ASL: variants seen among roughly 807,000 people sequenced by gnomAD.
ASL encodes argininosuccinase.
Under a neutral mutation model 69.1 loss-of-function variants are expected in ASL, and 51 were observed. The observed-to-expected ratio is 0.74, with a 90% CI of 0.59 to 0.93. The LOEUF (loss-of-function observed/expected upper bound fraction) is 0.93. Ranked by LOEUF, ASL falls within the 40% of genes least tolerant of loss-of-function variation. ASL has a pLI of 0.00. For missense variants in ASL, 540 were observed against 623.9 expected, an observed-to-expected ratio of 0.87 and a Z score of 1.43; for synonymous variants, 241 against 247.6, an observed-to-expected ratio of 0.97 and a Z score of 0.25.
chr7:66,085,802 G>T (rs1236587350), intron 6 of ASL, among the ~76,000 whole-genome samples: 1 of 151,992 alleles, frequency 6.6e-6, no homozygotes, highest in East Asian at 1.9e-4. Flanking sequence ...TATAGATGGG[G>T]TTTCACCGTG....
intron 6 of ASL, among the ~76,000 whole-genome samples, 174 bp from the exon 7 acceptor site, chr7:66,086,411 C>T (rs1786662889): frequency 6.6e-6 from 1 of 152,216 alleles, no homozygotes; most frequent in Non-Finnish European, 1.5e-5. Context: ...CCACTTCCAG[C>T]TTCTTTTGCC....
intron 2 of ASL, among the ~76,000 whole-genome samples, chr7:66,078,972 C>T (rs1266822823): frequency 2.0e-5 from 3 of 152,062 alleles, no homozygotes; most frequent in African/African-American, 7.2e-5. Context: ...TGCAGTGGCA[C>T]GATCTCAGCT....
rs2115764580 is a variant in ASL at position 66,092,602 on chromosome 7, A to G, written c.1189A>G (p.Met397Val). ...CGAGGCCTCCGGGAAAGCTGTGTTCATGGCCGAGACCAAGGGGGTCGCCCT... is the reference window on the plus strand; with the variant it reads ...CGAGGCCTCCGGGAAAGCTGTGTTCGTGGCCGAGACCAAGGGGGTCGCCCT... ...AHEASGKAVFMAETKGVALNQ... is the reference protein window; with the variant it reads ...AHEASGKAVFVAETKGVALNQ... The change falls in exon 16 of 17, where the codon ATG becomes GTG. Residue 397 changes from methionine (M) to valine (V), a missense_variant. Physicochemically the swap from Met to Val is conservative, Grantham distance 21 (BLOSUM62 1). Transcript: ENST00000304874. 2 of 1,612,772 alleles carry G rather than the reference A, an allele frequency of 1.2e-6. No homozygotes were observed. Among genetic ancestry groups the G allele is most frequent in the Non-Finnish European group, 1.7e-6 (2 of 1,179,982 alleles).
chr7:66,084,849 G>A (rs62467436), intron 6 of ASL, among the ~76,000 whole-genome samples: 5,485 of 152,100 alleles, frequency 0.036, 157 homozygotes, highest in East Asian at 0.075. Flanking sequence ...TCAATCTCCC[G>A]ACCTCATGAT....
At chr7:66,091,943 G>C in intron 14 of ASL, 63 bp from the exon 15 acceptor site, 1 of 1,573,930 alleles carries the variant, frequency 6.4e-7, no homozygotes, top group African/African-American at 1.3e-5. Flanking sequence ...GGCAGGTCCT[G>C]GGCCTGGCAG....
chr7:66,075,898 A>G, intron 1 of ASL, 42 bp downstream of exon 1: 1 of 690,766 alleles, frequency 1.4e-6, no homozygotes, highest in Admixed American at 2.7e-5. Flanking sequence ...GGCGTGGAGG[A>G]CGCCGAGCAC....
chr7:66,089,017 C>T (rs1296240542), intron 11 of ASL, 74 bp from the exon 12 acceptor site: 72 of 1,609,792 alleles, frequency 4.5e-5, no homozygotes, highest in Non-Finnish European at 5.9e-5. Context: ...CCCACCCCTC[C>T]GCCAGACCTG....
Position 66,083,244 on chromosome 7 carries a change from G to A in ASL, c.446+70G>A, listed in dbSNP as rs1451762979. On this transcript the variant is annotated intron_variant, in intron 6 of 16. Coordinates refer to ENST00000304874, the MANE Select transcript of ASL (RefSeq NM_000048.4). The stretch of plus-strand genomic sequence containing the variant: ...GAAGCCTGAACAGGAGACCTAGGGG[G>A]CAGGGGTGAACAGCGTGGGGGTGCC... The A allele has an allele frequency of 3.2e-6, 5 of 1,547,136 alleles. No individual in the cohort carries two copies. The African/African-American group carries it at 4.1e-5, about 13-fold the overall frequency.
intron 2 of ASL, among the ~76,000 whole-genome samples, chr7:66,080,385 C>CAAAA (rs138360695): frequency 2.8e-4 from 17 of 61,328 alleles, no homozygotes; most frequent in Non-Finnish European, 3.7e-4. Flanking sequence ...GACTCCATCT[C>CAAAA]AAAAAAAAAA....
rs1394168885 is a variant in ASL, at chr7:66,086,802, A to G, written c.583A>G (p.Asn195Asp). ...ERLLEVRKRI[N>D]VLPLGSGAIA... ...GCTGCTGGAGGTGCGGAAGCGGATC[A>G]ATGTCCTGCCCCTGGGGAGGTGGGT... Residue 195 changes from asparagine to aspartate, a missense_variant, in exon 8 of 17, where the codon AAT (asparagine) becomes GAT (aspartate). Coordinates refer to ENST00000304874, the MANE Select transcript of ASL (RefSeq NM_000048.4). 3 of 1,585,256 alleles carry G rather than the reference A, an allele frequency of 1.9e-6. No individual in the cohort carries two copies. The highest frequency in any genetic ancestry group is 2.6e-6 in the Non-Finnish European group (3 of 1,166,376).
At chr7:66,082,319 C>T (rs567573139) in intron 3 of ASL, 49 bp from the exon 4 acceptor site, 8 of 1,550,694 alleles carry the variant, frequency 5.2e-6, no homozygotes, top group Non-Finnish European at 7.0e-6. Flanking sequence ...GCTCTCTTGG[C>T]TGCTGATGCC....
At chr7:66,089,536 G>GT (rs1786782323) in intron 13 of ASL, 76 bp from the exon 14 acceptor site, 1 of 1,534,756 alleles carries the variant, frequency 6.5e-7, no homozygotes, top group Admixed American at 1.7e-5. Flanking sequence ...GGATGCCTCA[G>GT]TGGGGGGGTG....
chr7:66,086,976 C>G, intron 8 of ASL, 155 bp downstream of exon 8: 1 of 950,904 alleles, frequency 1.1e-6, no homozygotes, highest in South Asian at 1.6e-5. Flanking sequence ...GCTAAGGTGA[C>G]GACCAAGCCA....
Position 66,087,320 on chromosome 7 carries a change from C to G in ASL, c.603-14C>G. 3 of 1,602,666 alleles carry G rather than the reference C, an allele frequency of 1.9e-6. No homozygotes were observed. The highest frequency in any genetic ancestry group is 2.5e-6 in the Non-Finnish European group (3 of 1,179,828). On this transcript the variant is annotated splice_polypyrimidine_tract_variant and intron_variant, in intron 8 of 16. Transcript: ENST00000304874. ...GCCAGGAGCCCTGGTCACCATGAATCCCTGTCCCTGCAGTGGGGCCATTGC... is the reference window on the plus strand; with the variant it reads ...GCCAGGAGCCCTGGTCACCATGAATGCCTGTCCCTGCAGTGGGGCCATTGC...
chr7:66,091,824 C>T, intron 14 of ASL, 182 bp from the exon 15 acceptor site: 3 of 671,062 alleles, frequency 4.5e-6, no homozygotes, highest in Non-Finnish European at 8.1e-6. Context: ...GTGTTCATAG[C>T]ACATGTAAAT....
intron 10 of ASL, among the ~76,000 whole-genome samples, chr7:66,088,232 G>A (rs533699294): frequency 2.0e-5 from 3 of 152,140 alleles, no homozygotes; most frequent in Non-Finnish European, 2.9e-5. Context: ...CGTAATCCTA[G>A]CACTTTGGGA....
chr7:66,087,321 C>T lies in ASL; in HGVS notation c.603-13C>T. 1 of 1,600,410 alleles carries T rather than the reference C, an allele frequency of 6.2e-7. No individual in the cohort carries two copies. Reference sequence around the variant, plus strand: ...CCAGGAGCCCTGGTCACCATGAATCCCTGTCCCTGCAGTGGGGCCATTGCA... The same window carrying T: ...CCAGGAGCCCTGGTCACCATGAATCTCTGTCCCTGCAGTGGGGCCATTGCA... On this transcript the variant is annotated splice_polypyrimidine_tract_variant and intron_variant, in intron 8 of 16. Transcript: ENST00000304874.
Position 66,086,570 on chromosome 7 carries a change from C to A in ASL, c.447-15C>A. The A allele has an allele frequency of 2.5e-6, 4 of 1,613,148 alleles. No individual in the cohort carries two copies. The Middle Eastern group carries it at 6.7e-4, about 270-fold the overall frequency. ...ATGAGCCTCCACCCGAGCTTCTGCT[C>A]CTCCTCTCCCACAGGGAACGTGATG... On this transcript the variant is annotated splice_polypyrimidine_tract_variant and intron_variant, in intron 6 of 16. Transcript: ENST00000304874.
Position 66,081,859 on chromosome 7 carries a change from G to T in ASL, c.69G>T (p.Lys23Asn). ...FVGAVDPIMEKFNASIAYDRH... is the reference protein window; with the variant it reads ...FVGAVDPIMENFNASIAYDRH... ...GTGCAGTGGACCCCATCATGGAGAA[G>T]TTCAACGCGTCCATTGCCTACGACC... The change falls in exon 3 of 17, where the codon AAG becomes AAT. Residue 23 changes from lysine to asparagine, a missense_variant. Lys to Asn is a moderately conservative substitution (Grantham distance 94). Coordinates refer to ENST00000304874, the MANE Select transcript of ASL (RefSeq NM_000048.4). 6.2e-7 allele frequency: 1 copy of T among 1,614,092 alleles called. No homozygotes were observed.
Sources: allele counts gnomAD v4.1 joint callset (sites outside exome capture counted in the v4.1 genomes callset), GRCh38; gene constraint gnomAD v4.1.1; transcripts MANE v1.5; gene names NCBI Gene and HGNC (gene_info 2026-07-23, HGNC 2026-07-21).